AGAP1: variants seen among roughly 807,000 people sequenced by gnomAD.
AGAP1 encodes the protein arf-GAP with GTPase, ANK repeat and PH domain-containing protein 1.
In AGAP1, 29 loss-of-function variants were observed where a neutral mutation model predicts 105.3. That is an observed-to-expected ratio of 0.28 (90% confidence interval 0.21 to 0.38). The LOEUF is 0.38. Among genes scored for constraint, AGAP1 ranks in the 10% least tolerant of loss-of-function variants. The pLI is 1.00. For missense variants in AGAP1, 998 were observed against 1,165.1 expected (o/e 0.86, Z 2.09); for synonymous variants, 509 against 485.9 (o/e 1.05, Z -0.63).
chr2:235,967,653 C>T lies in AGAP1; in HGVS notation c.1484-809C>T, dbSNP rs1278768124. On this transcript the variant is annotated intron_variant, in intron 12 of 17. Coordinates refer to ENST00000304032, the MANE Select transcript of AGAP1 (RefSeq NM_001037131.3). The surrounding 1 kb of genome is among the most constrained non-coding windows in gnomAD (Gnocchi z 4.7). Reference sequence around the variant, plus strand: ...CGTGAAATAAAAACTTTTCAAGACGCCGTAGGCATGCACCACCTGTTTTTC... The same window carrying T: ...CGTGAAATAAAAACTTTTCAAGACGTCGTAGGCATGCACCACCTGTTTTTC... Among the ~76,000 whole-genome samples, 1 of 152,188 alleles carries T rather than the reference C, an allele frequency of 6.6e-6. No homozygotes were observed. Among genetic ancestry groups the T allele is most frequent in the Non-Finnish European group, 1.5e-5 (1 of 68,038 alleles).
Position 236,125,211 on chromosome 2 carries a change from A to G in AGAP1, c.*1089A>G, listed in dbSNP as rs541902426. The G allele has an allele frequency of 6.4e-6, 1 of 156,880 alleles. No homozygotes were observed. The highest frequency in any genetic ancestry group is 2.4e-5 in the African/African-American group (1 of 41,576). The allele number at this position is 156,880 out of a possible 1,614,324, so 9.7% of individuals were successfully genotyped here. A position where few individuals can be genotyped will look rare whatever the true frequency, so the allele number is the denominator to read the frequency against. On this transcript the variant is annotated 3_prime_UTR_variant, in exon 18 of 18. Coordinates refer to ENST00000304032, the MANE Select transcript of AGAP1 (RefSeq NM_001037131.3). The surrounding 1 kb of genome is among the most constrained non-coding windows in gnomAD (Gnocchi z 5.2). ...GGCTTCTGTGTTATGTATTTAGATA[A>G]GATGTGTGAAAATATATTTGAATAA...
chr2:235,603,810 A>G (rs945263173), intron 1 of AGAP1, among the ~76,000 whole-genome samples: 1 of 152,134 alleles, frequency 6.6e-6, no homozygotes, highest in Non-Finnish European at 1.5e-5. Flanking sequence ...GTTATGCAAC[A>G]TTTCATGGGG....
rs567788572 is a variant in AGAP1 at position 235,931,398 on chromosome 2, C to A, written c.1483+475C>A. Among the ~76,000 whole-genome samples, 12 of 152,220 alleles carry A rather than the reference C, an allele frequency of 7.9e-5. No individual in the cohort carries two copies. In the South Asian group the frequency reaches 2.5e-3, roughly 32 times the overall value. ...TGGTGTACCCTCTAAATTCTGGAGT[C>A]CCCTTTGTAATCCTTCAGTTTTCAA... is the stretch of plus-strand genomic sequence containing the variant. On this transcript the variant is annotated intron_variant, in intron 12 of 17. Transcript: ENST00000304032. This position sits in a 1 kb window ranked among gnomAD's most constrained non-coding sequence, Gnocchi z 5.6.
At chr2:235,576,408 C>G (rs1944734459) in intron 1 of AGAP1, among the ~76,000 whole-genome samples, 1 of 152,144 alleles carries the variant, frequency 6.6e-6, no homozygotes. Flanking sequence ...GCGCTGTGTC[C>G]TCATTTGCTG....
intron 2 of AGAP1, among the ~76,000 whole-genome samples, chr2:235,711,019 A>G (rs888763763): frequency 1.3e-5 from 2 of 152,234 alleles, no homozygotes; most frequent in Non-Finnish European, 2.9e-5. Flanking sequence ...AACCTGCCCA[A>G]GGAGCCACAG....
At chr2:235,658,136 C>T (rs537875129) in intron 1 of AGAP1, among the ~76,000 whole-genome samples, 178 of 152,312 alleles carry the variant, frequency 1.2e-3, no homozygotes, top group African/African-American at 4.2e-3. Context: ...TAAAATCTTT[C>T]TATTGCTAGG....
At chr2:235,715,203 C>T (rs1480543358) in intron 2 of AGAP1, among the ~76,000 whole-genome samples, 1 of 152,216 alleles carries the variant, frequency 6.6e-6, no homozygotes, top group African/African-American at 2.4e-5. Context: ...CTCCTCCCTC[C>T]CATCCTTCTT....
At chr2:235,860,433 T>C (rs2048882859) in intron 9 of AGAP1, among the ~76,000 whole-genome samples, 1 of 152,202 alleles carries the variant, frequency 6.6e-6, no homozygotes, top group African/African-American at 2.4e-5. Flanking sequence ...CGCAGCTTTC[T>C]AGTCACCACT....
rs1466508152 is a variant in AGAP1, at chr2:236,119,218, A to T, written c.2115-974A>T. Reference sequence around the variant, plus strand: ...ACTCTCCACACCTCCGACCCCATCCACCCCCTCCCCAGCTTTGTCCTCTCC... The same window carrying T: ...ACTCTCCACACCTCCGACCCCATCCTCCCCCTCCCCAGCTTTGTCCTCTCC... On this transcript the variant is annotated intron_variant, in intron 16 of 17. Transcript: ENST00000304032. The surrounding 1 kb of genome is among the most constrained non-coding windows in gnomAD (Gnocchi z 6.6). Among the ~76,000 whole-genome samples, 2 of 149,792 alleles carry T rather than the reference A, an allele frequency of 1.3e-5. No individual in the cohort carries two copies. The highest frequency in any genetic ancestry group is 1.5e-5 in the Non-Finnish European group (1 of 67,452).
In AGAP1 at chr2:236,128,257, G is replaced by A. The variant is rs374806483; in HGVS notation, c.*4135G>A. The A allele has an allele frequency of 1.3e-5, 2 of 152,442 alleles. No homozygotes were observed. Among genetic ancestry groups the A allele is most frequent in the African/African-American group, 4.8e-5 (2 of 41,472 alleles). The allele number at this position is 152,442 out of a possible 1,614,324, so 9.4% of individuals were successfully genotyped here. On this transcript the variant is annotated 3_prime_UTR_variant, in exon 18 of 18. Coordinates refer to ENST00000304032, the MANE Select transcript of AGAP1 (RefSeq NM_001037131.3). This position sits in a 1 kb window ranked among gnomAD's most constrained non-coding sequence, Gnocchi z 5.9. Reference sequence around the variant, plus strand: ...CTGAGGTTGATTTTCTAGAGGCGAGGAAGGGGCTGAGTTCTGCCCTCGTGC... The same window carrying A: ...CTGAGGTTGATTTTCTAGAGGCGAGAAAGGGGCTGAGTTCTGCCCTCGTGC...
chr2:235,680,366 T>C (rs1948998092), intron 1 of AGAP1, among the ~76,000 whole-genome samples: 1 of 152,050 alleles, frequency 6.6e-6, no homozygotes, highest in South Asian at 2.1e-4. Context: ...GGTTTGAGTG[T>C]GAATGCTGGT....
intron 9 of AGAP1, among the ~76,000 whole-genome samples, chr2:235,852,324 C>G (rs908160167): frequency 6.6e-6 from 1 of 152,102 alleles, no homozygotes; most frequent in Non-Finnish European, 1.5e-5. Context: ...TCTGCGTCTG[C>G]GTTTGCTTTT....
At chr2:235,775,348 T>C (rs576414685) in intron 6 of AGAP1, among the ~76,000 whole-genome samples, 1 of 152,328 alleles carries the variant, frequency 6.6e-6, no homozygotes, top group African/African-American at 2.4e-5. Flanking sequence ...GTGAGATCAT[T>C]TTGTGCCAGC....
chr2:235,803,025 ATGGTTG>A, intron 8 of AGAP1, among the ~76,000 whole-genome samples: 1 of 36,280 alleles, frequency 2.8e-5, no homozygotes, highest in Non-Finnish European at 6.4e-5. Context: ...GATGGTGGTG[ATGGTTG>A]TGATGGTGAT....
At position 235,692,715 on chromosome 2, in the gene AGAP1, T is replaced by C. The variant is rs976950560; in HGVS notation, c.164-16464T>C. 3.3e-5 allele frequency among the ~76,000 whole-genome samples: 5 copies of C among 152,158 alleles called. No homozygotes were observed. The highest frequency in any genetic ancestry group is 1.9e-4 in the East Asian group (1 of 5,188). On this transcript the variant is annotated intron_variant, in intron 1 of 17. Coordinates refer to ENST00000304032, the MANE Select transcript of AGAP1 (RefSeq NM_001037131.3). This position sits in a 1 kb window ranked among gnomAD's most constrained non-coding sequence, Gnocchi z 5.8. Reference sequence around the variant, plus strand: ...CGTGCACCCCGCCAGCCTCCCTGCTTATCCTTCCCTGCCGCCTCGTGTGTC... The same window carrying C: ...CGTGCACCCCGCCAGCCTCCCTGCTCATCCTTCCCTGCCGCCTCGTGTGTC...
At chr2:235,530,666 G>A (rs1289986498) in intron 1 of AGAP1, among the ~76,000 whole-genome samples, 3 of 152,034 alleles carry the variant, frequency 2.0e-5, no homozygotes, top group African/African-American at 4.8e-5. Flanking sequence ...CCCCTTCTCC[G>A]GCTCCTCTGC....
At chr2:235,499,405 T>A (rs10168100) in intron 1 of AGAP1, among the ~76,000 whole-genome samples, 6,866 of 152,306 alleles carry the variant, frequency 0.045, 528 homozygotes, top group African/African-American at 0.15. Context: ...GAAACAAACA[T>A]TTTCTTCCTG....
At chr2:235,782,439 C>T (rs1956324417) in intron 6 of AGAP1, among the ~76,000 whole-genome samples, 3 of 152,216 alleles carry the variant, frequency 2.0e-5, no homozygotes, top group South Asian at 2.1e-4. Context: ...CTTTTACTTA[C>T]ATATCTCATC....
At chr2:235,731,647 T>C (rs1476812338) in intron 3 of AGAP1, among the ~76,000 whole-genome samples, 1 of 152,170 alleles carries the variant, frequency 6.6e-6, no homozygotes, top group Non-Finnish European at 1.5e-5. Context: ...CATTTGGAAA[T>C]GGTATAGTCA....
Sources: gnomAD v4.1 joint callset for allele counts (sites outside exome capture counted in the v4.1 genomes callset) on GRCh38, gnomAD v4.1.1 for gene constraint, Gnocchi (gnomAD v3.1) non-coding constraint, MANE v1.5 for transcripts, NCBI Gene and HGNC (gene_info 2026-07-23, HGNC 2026-07-21) for gene names.